Variants in P3H2 observed in about 807,000 individuals in gnomAD.
P3H2 encodes prolyl 3-hydroxylase 2.
A neutral mutation model predicts 87.0 loss-of-function variants in P3H2; 80 were observed. That is an observed-to-expected ratio of 0.92 (90% CI 0.77 to 1.11). P3H2 has a LOEUF of 1.11. Ranked by LOEUF, P3H2 falls within the 50% of genes least tolerant of loss-of-function variation. The pLI, the probability that P3H2 is intolerant of heterozygous loss-of-function variation, is 0.00. For missense variants in P3H2, 1,001 were observed against 923.9 expected (o/e 1.08, Z -1.08); for synonymous variants, 367 against 359.3 (o/e 1.02, Z -0.24).
At chr3:189,983,377 T>C (rs1292391958) in intron 7 of P3H2, 2 of 534,198 alleles carry the variant, frequency 3.7e-6, no homozygotes, top group South Asian at 2.4e-5. Flanking sequence ...TTACAATTAA[T>C]TGTATGCATA....
intron 1 of P3H2, among the ~76,000 whole-genome samples, chr3:190,019,396 A>G (rs1325214314): frequency 1.3e-5 from 2 of 152,350 alleles, no homozygotes; most frequent in South Asian, 2.1e-4. Context: ...AGTTTTCAGA[A>G]CCGAAAAATT....
chr3:189,969,792 C>T (rs1723114840), intron 13 of P3H2: 1 of 1,608,444 alleles, frequency 6.2e-7, no homozygotes, highest in Non-Finnish European at 8.5e-7. Context: ...TCTAAAATTT[C>T]TGGATCATCC....
intron 1 of P3H2, among the ~76,000 whole-genome samples, chr3:190,042,074 G>A (rs1577291373): frequency 6.6e-6 from 1 of 152,276 alleles, no homozygotes; most frequent in Middle Eastern, 3.4e-3. Flanking sequence ...CTCTAAAACT[G>A]GCTTCTATCG....
chr3:190,013,697 AC>A (rs1380424575), intron 1 of P3H2, among the ~76,000 whole-genome samples: 1 of 152,176 alleles, frequency 6.6e-6, no homozygotes, highest in Non-Finnish European at 1.5e-5. Context: ...GATTTTAACA[AC>A]CCTGGCTTTG....
intron 10 of P3H2, among the ~76,000 whole-genome samples, chr3:189,973,511 C>CTTTTTTTTTTTT (rs869099221): frequency 2.5e-4 from 9 of 35,464 alleles, no homozygotes; most frequent in Non-Finnish European, 3.0e-4. Context: ...TTCTTTCTTT[C>CTTTTTTTTTTTT]TTTTTTTTTT....
intron 8 of P3H2, among the ~76,000 whole-genome samples, chr3:189,978,263 A>G (rs1456797817): frequency 6.6e-6 from 1 of 152,208 alleles, no homozygotes; most frequent in Non-Finnish European, 1.5e-5. Context: ...TAATTAGCTT[A>G]TTTTCAAAAT....
intron 1 of P3H2, among the ~76,000 whole-genome samples, chr3:190,006,685 C>T (rs1438865259): frequency 6.6e-6 from 1 of 152,068 alleles, no homozygotes; most frequent in South Asian, 2.1e-4. Context: ...ATCACAGTAA[C>T]CTGGAAGGTT....
chr3:190,084,950 C>CA (rs200109023), intron 1 of P3H2, among the ~76,000 whole-genome samples: 26,845 of 132,938 alleles, frequency 0.2, 2,947 homozygotes, highest in East Asian at 0.38. Context: ...GAGAAACAAA[C>CA]AAAAAAAAAA....
intron 1 of P3H2, among the ~76,000 whole-genome samples, chr3:190,070,609 G>A (rs1039334344): frequency 2.6e-5 from 4 of 152,094 alleles, no homozygotes; most frequent in Non-Finnish European, 5.9e-5. Flanking sequence ...AAGAGGCAAC[G>A]ACTTACAAGA....
At chr3:190,080,344 T>C (rs1727002370) in intron 1 of P3H2, among the ~76,000 whole-genome samples, 1 of 152,164 alleles carries the variant, frequency 6.6e-6, no homozygotes, top group Admixed American at 6.5e-5. Flanking sequence ...CCACACAACA[T>C]CTGATCATGT....
At chr3:190,121,277 A>G (rs1712577845), upstream of P3H2, among the ~76,000 whole-genome samples, 1 of 152,004 alleles carries the variant, frequency 6.6e-6, no homozygotes. Flanking sequence ...CAAACCGTAG[A>G]TGCCATGTGT....
chr3:189,995,641 G>A (rs918814736), intron 1 of P3H2, among the ~76,000 whole-genome samples, 199 bp from the exon 2 acceptor site: 1 of 150,076 alleles, frequency 6.7e-6, no homozygotes, highest in Non-Finnish European at 1.5e-5. Flanking sequence ...AGCAAAGAAA[G>A]CAATCAACAG....
intron 1 of P3H2, among the ~76,000 whole-genome samples, chr3:190,038,359 C>A (rs1577288644): frequency 6.6e-6 from 1 of 151,858 alleles, no homozygotes; most frequent in East Asian, 1.9e-4. Context: ...AGTGCTGTGG[C>A]CTCTCAGCCT....
In P3H2 at chr3:190,096,251, C is replaced by T. The variant is rs181558061; in HGVS notation, c.480+24001G>A. 3.1e-3 allele frequency among the ~76,000 whole-genome samples: 466 copies of T among 152,242 alleles called. 1 individual carries two copies. The highest frequency in any genetic ancestry group is 0.011 in the African/African-American group (448 of 41,544). ...TACGGTTTGGATTTGTGTCCCTGCC[C>T]AAATCTCATGTTGAACTGGAGAAGG... On this transcript the variant is annotated intron_variant, in intron 1 of 14. Transcript: ENST00000319332.
chr3:190,007,965 C>CACACACACACATATATATATATATATAT, intron 1 of P3H2, among the ~76,000 whole-genome samples: 28 of 94,352 alleles, frequency 3.0e-4, no homozygotes, highest in African/African-American at 7.0e-4. Flanking sequence ...TGTTGACACA[C>CACACACACACATATATATATATATATAT]ATATATATAT....
chr3:190,067,488 TA>T (rs1237701970), intron 1 of P3H2, among the ~76,000 whole-genome samples: 1 of 152,160 alleles, frequency 6.6e-6, no homozygotes, highest in Admixed American at 6.6e-5. Flanking sequence ...AAAATCTCCC[TA>T]TGACAAATTC....
intron 1 of P3H2, among the ~76,000 whole-genome samples, chr3:190,009,818 T>C (rs1452546145): frequency 1.3e-5 from 2 of 152,214 alleles, no homozygotes; most frequent in African/African-American, 4.8e-5. Flanking sequence ...GAAATCTCAT[T>C]TGCCTCTACA....
intron 1 of P3H2, among the ~76,000 whole-genome samples, chr3:190,095,181 TATG>T (rs1486375526): frequency 6.6e-6 from 1 of 151,302 alleles, no homozygotes; most frequent in Non-Finnish European, 1.5e-5. Flanking sequence ...GACTTATTAT[TATG>T]TTCATTTTAC....
At chr3:190,018,097 A>C (rs961504471) in intron 1 of P3H2, among the ~76,000 whole-genome samples, 1 of 152,196 alleles carries the variant, frequency 6.6e-6, no homozygotes, top group Non-Finnish European at 1.5e-5. Context: ...GCAGTTGGTC[A>C]AGAATTATAT....
Sources: allele counts gnomAD v4.1 joint callset (sites outside exome capture counted in the v4.1 genomes callset), GRCh38; gene constraint gnomAD v4.1.1; transcripts MANE v1.5; gene names NCBI Gene and HGNC (gene_info 2026-07-23, HGNC 2026-07-21).